Variants in CSMD1 observed in about 807,000 individuals in gnomAD.
CSMD1 encodes CUB and sushi domain-containing protein 1.
A neutral mutation model predicts 417.5 loss-of-function variants in CSMD1; 213 were observed. That is an observed-to-expected ratio of 0.51 (90% CI 0.46 to 0.57). The LOEUF (loss-of-function observed/expected upper bound fraction) is 0.57, where lower values mean the gene tolerates loss of function less well. CSMD1 is among the 20% of genes least tolerant of loss of function. The pLI, the probability that CSMD1 is intolerant of heterozygous loss-of-function variation, is 0.00. For missense variants in CSMD1, 6,923 were observed against 4,529.7 expected (o/e 1.53, Z -15.17); for synonymous variants, 2,862 against 1,736.8 (o/e 1.65, Z -16.11).
In CSMD1 at chr8:4,981,759, G is replaced by T. The variant is rs150575220; in HGVS notation, c.85+12573C>A. Among the ~76,000 whole-genome samples the T allele has an allele frequency of 1.1e-3, 165 of 152,210 alleles. 1 individual carries two copies. The highest frequency in any genetic ancestry group is 3.9e-3 in the African/African-American group (161 of 41,522). On this transcript the variant is annotated intron_variant, in intron 1 of 69. Transcript: ENST00000635120. ...GGGATCCTTTTCTCCTTGAGAGTGGGCAGGACCCGTGGCTTCCTTTCAACC... is the reference window on the plus strand; with the variant it reads ...GGGATCCTTTTCTCCTTGAGAGTGGTCAGGACCCGTGGCTTCCTTTCAACC...
intron 7 of CSMD1, among the ~76,000 whole-genome samples, chr8:3,651,039 G>A (rs1053356409): frequency 6.6e-6 from 1 of 152,092 alleles, no homozygotes; most frequent in Non-Finnish European, 1.5e-5. Flanking sequence ...TCATCATACA[G>A]CTTACCCACC....
At chr8:4,383,034 T>C (rs945684120) in intron 3 of CSMD1, among the ~76,000 whole-genome samples, 1 of 152,208 alleles carries the variant, frequency 6.6e-6, no homozygotes, top group Admixed American at 6.5e-5. Context: ...TGGAATATTC[T>C]GGTCTCTGTC....
chr8:4,354,865 AGTGTGTGTGTGTGTGTGTGT>A (rs59255397), intron 3 of CSMD1, among the ~76,000 whole-genome samples: 103 of 129,502 alleles, frequency 8.0e-4, no homozygotes, highest in East Asian at 3.0e-3. Flanking sequence ...AGGAAAATGT[AGTGTGTGTGTGTGTGTGTGT>A]GTGTGTGTGT....
At chr8:3,468,565 T>G (rs1162008385) in intron 12 of CSMD1, 147 bp downstream of exon 12, 1 of 576,828 alleles carries the variant, frequency 1.7e-6, no homozygotes. Context: ...CGAGTGTTAG[T>G]AGACTTTAAG....
intron 2 of CSMD1, among the ~76,000 whole-genome samples, chr8:4,624,892 G>T (rs1322248662): frequency 6.6e-6 from 1 of 152,104 alleles, no homozygotes; most frequent in Admixed American, 6.6e-5. Context: ...GGGCAGAGAA[G>T]GCACTGGCAT....
Position 3,853,490 on chromosome 8 carries a change from C to G in CSMD1, c.819-99448G>C, listed in dbSNP as rs1333334728. Among the ~76,000 whole-genome samples, 7 of 152,158 alleles carry G rather than the reference C, an allele frequency of 4.6e-5. No homozygotes were observed. In the East Asian group the frequency reaches 1.3e-3, roughly 29 times the overall value. On this transcript the variant is annotated intron_variant, in intron 5 of 69. Coordinates refer to ENST00000635120, the MANE Select transcript of CSMD1 (RefSeq NM_033225.6). ...CAAGGATCTTTGTCTACGTTGTTCA[C>G]AGACACTTCTCAAGCATCAATATGA...
At chr8:4,041,733 G>T (rs554962264) in intron 3 of CSMD1, among the ~76,000 whole-genome samples, 1 of 152,132 alleles carries the variant, frequency 6.6e-6, no homozygotes, top group Admixed American at 6.5e-5. Context: ...AGAACTGTAT[G>T]CCCTGTTCTC....
chr8:3,296,412 G>A (rs1367212119), intron 25 of CSMD1, among the ~76,000 whole-genome samples: 1 of 152,088 alleles, frequency 6.6e-6, no homozygotes. Flanking sequence ...GTTGTGAATT[G>A]GATGGTGGGA....
intron 3 of CSMD1, among the ~76,000 whole-genome samples, chr8:4,358,740 G>C (rs10096474): frequency 0.55 from 83,086 of 151,984 alleles, 23,077 homozygotes; most frequent in African/African-American, 0.64. Context: ...CTCAAGATAA[G>C]TGTATATGAT....
At chr8:3,572,797 CTCAAG>C (rs1304478076) in intron 10 of CSMD1, among the ~76,000 whole-genome samples, 5 of 151,808 alleles carry the variant, frequency 3.3e-5, no homozygotes, top group South Asian at 2.1e-4. Context: ...TTACTCTTAA[CTCAAG>C]TCAACACCTA....
intron 2 of CSMD1, among the ~76,000 whole-genome samples, chr8:4,523,898 C>A (rs1412524610): frequency 3.9e-5 from 6 of 152,130 alleles, no homozygotes; most frequent in Admixed American, 2.6e-4. Flanking sequence ...CAAAGCCAAT[C>A]ATGATGCTAT....
At chr8:4,064,290 A>C (rs1799130632) in intron 3 of CSMD1, among the ~76,000 whole-genome samples, 1 of 152,108 alleles carries the variant, frequency 6.6e-6, no homozygotes, top group Admixed American at 6.5e-5. Context: ...ACCATATTTT[A>C]TATCCTGCAA....
chr8:3,633,212 A>G (rs555090963), intron 7 of CSMD1, among the ~76,000 whole-genome samples: 3 of 152,394 alleles, frequency 2.0e-5, no homozygotes, highest in Admixed American at 2.0e-4. Flanking sequence ...CAAATAAAAC[A>G]TAACTTAAAA....
intron 3 of CSMD1, among the ~76,000 whole-genome samples, chr8:4,316,571 A>G (rs1186151447): frequency 4.6e-5 from 7 of 152,120 alleles, no homozygotes; most frequent in Non-Finnish European, 1.0e-4. Flanking sequence ...ACTTTCCACT[A>G]ATATTCCATC....
intron 5 of CSMD1, among the ~76,000 whole-genome samples, chr8:3,842,105 T>C (rs1803175310): frequency 6.6e-6 from 1 of 152,208 alleles, no homozygotes; most frequent in Non-Finnish European, 1.5e-5. Flanking sequence ...CACACATGCC[T>C]TCATTCTGCC....
At chr8:4,200,553 A>G (rs1248111909) in intron 3 of CSMD1, among the ~76,000 whole-genome samples, 4 of 151,658 alleles carry the variant, frequency 2.6e-5, no homozygotes, top group Non-Finnish European at 5.9e-5. Flanking sequence ...CTGCTGTGCT[A>G]TCCTTATATA....
chr8:4,416,209 C>A (rs1380079064), intron 3 of CSMD1, among the ~76,000 whole-genome samples: 3 of 152,150 alleles, frequency 2.0e-5, no homozygotes, highest in African/African-American at 7.2e-5. Flanking sequence ...TTCAGAGCTG[C>A]TGCTTTCTAT....
At chr8:4,345,678 G>A (rs970283724) in intron 3 of CSMD1, among the ~76,000 whole-genome samples, 5 of 152,066 alleles carry the variant, frequency 3.3e-5, no homozygotes, top group Admixed American at 2.6e-4. Context: ...CTCAAGATAT[G>A]AAATGGCCAT....
chr8:4,408,402 G>C (rs765628442), intron 3 of CSMD1, among the ~76,000 whole-genome samples: 1 of 152,142 alleles, frequency 6.6e-6, no homozygotes, highest in African/African-American at 2.4e-5. Flanking sequence ...CCCTATGAAA[G>C]GATTCTCCAT....
Sources: allele counts gnomAD v4.1 joint callset (sites outside exome capture counted in the v4.1 genomes callset), GRCh38; gene constraint gnomAD v4.1.1; transcripts MANE v1.5; gene names NCBI Gene and HGNC (gene_info 2026-07-23, HGNC 2026-07-21).